The following SLC9A9 variants were observed in gnomAD, a reference collection of about 807,000 sequenced individuals.
SLC9A9 encodes the protein sodium/hydrogen exchanger 9.
Under a neutral mutation model 77.8 loss-of-function variants are expected in SLC9A9, and 62 were observed. That is an observed-to-expected ratio of 0.80 (90% CI 0.65 to 0.98). The LOEUF (loss-of-function observed/expected upper bound fraction) is 0.98. Among genes scored for constraint, SLC9A9 ranks in the 50% least tolerant of loss-of-function variants. The probability of loss-of-function intolerance (pLI) is 0.00; values close to 1 mark genes in which losing one functional copy is unlikely to be tolerated. For synonymous variants in SLC9A9, 320 were observed against 283.5 expected (o/e 1.13, Z -1.29); for missense variants, 775 against 774.9 (o/e 1.00, Z 0.00).
At chr3:143,461,793 T>A (rs1021561967) in intron 12 of SLC9A9, among the ~76,000 whole-genome samples, 2 of 152,152 alleles carry the variant, frequency 1.3e-5, no homozygotes, top group Non-Finnish European at 2.9e-5. Context: ...ACACAATCAA[T>A]ATTAAGATAA....
intron 4 of SLC9A9, among the ~76,000 whole-genome samples, chr3:143,758,102 G>A (rs2006987469): frequency 6.6e-6 from 1 of 152,042 alleles, no homozygotes; most frequent in African/African-American, 2.4e-5. Context: ...TCTAAATAAA[G>A]GTAAAATCCC....
intron 6 of SLC9A9, among the ~76,000 whole-genome samples, chr3:143,617,897 G>A (rs926283456): frequency 6.6e-6 from 1 of 152,212 alleles, no homozygotes; most frequent in African/African-American, 2.4e-5. Context: ...CTGGCCTCTG[G>A]CCTGACAAGA....
intron 8 of SLC9A9, among the ~76,000 whole-genome samples, chr3:143,557,320 C>T (rs769234958): frequency 6.6e-6 from 1 of 152,290 alleles, no homozygotes; most frequent in Non-Finnish European, 1.5e-5. Context: ...ATTACCCAGT[C>T]TCAGGTATTT....
chr3:143,592,210 T>C (rs1192067386), intron 6 of SLC9A9, among the ~76,000 whole-genome samples: 2 of 152,188 alleles, frequency 1.3e-5, no homozygotes, highest in East Asian at 1.9e-4. Context: ...AATTGAATAA[T>C]CAGTGCAAGG....
chr3:143,266,616 C>G lies in SLC9A9; in HGVS notation c.*86G>C. 7.4e-7 allele frequency: 1 copy of G among 1,353,588 alleles called. No individual in the cohort carries two copies. 83.8% of individuals were successfully genotyped at this position (1,353,588 alleles called of 1,614,324 possible). On this transcript the variant is annotated 3_prime_UTR_variant, in exon 16 of 16. Transcript: ENST00000316549. ...ATGCTCTTAATATGTTTTCCAGCCT[C>G]TCCCCTGTACTGCCTCATCAGCTTG...
Position 143,790,356 on chromosome 3 carries a change from A to G in SLC9A9, c.533+4645T>C, listed in dbSNP as rs115290428. Reference sequence around the variant, plus strand: ...TCGTACCATTCCTCCAACCACCTTCAGTAAGAAAAGACAGGTTTGAATTCC... The same window carrying G: ...TCGTACCATTCCTCCAACCACCTTCGGTAAGAAAAGACAGGTTTGAATTCC... On this transcript the variant is annotated intron_variant, in intron 4 of 15. Transcript: ENST00000316549. Among the ~76,000 whole-genome samples, 1,371 of 152,378 alleles carry G rather than the reference A, an allele frequency of 9.0e-3. 23 individuals are homozygous for G. The highest frequency in any genetic ancestry group is 0.031 in the African/African-American group (1,310 of 41,594).
At position 143,331,414 on chromosome 3, in the gene SLC9A9, G is replaced by A. The variant is rs898486393; in HGVS notation, c.1604+32070C>T. Among the ~76,000 whole-genome samples, 9 of 152,312 alleles carry A rather than the reference G, an allele frequency of 5.9e-5. No individual in the cohort carries two copies. In the East Asian group the frequency reaches 1.3e-3, roughly 23 times the overall value. ...TTTTACAATTTTTATAGCTTCCCGAGTTATTTTTGAGTCAGTGCTAGCATT... is the reference window on the plus strand; with the variant it reads ...TTTTACAATTTTTATAGCTTCCCGAATTATTTTTGAGTCAGTGCTAGCATT... On this transcript the variant is annotated intron_variant, in intron 14 of 15. Coordinates refer to ENST00000316549, the MANE Select transcript of SLC9A9 (RefSeq NM_173653.4).
intron 5 of SLC9A9, among the ~76,000 whole-genome samples, chr3:143,654,224 A>G (rs1000304040): frequency 5.3e-5 from 8 of 152,372 alleles, no homozygotes; most frequent in East Asian, 3.9e-4. Context: ...GCATATTTCA[A>G]AAAATTATGC....
intron 15 of SLC9A9, among the ~76,000 whole-genome samples, chr3:143,267,645 G>A (rs767105332): frequency 1.4e-4 from 21 of 152,112 alleles, no homozygotes; most frequent in Admixed American, 3.3e-4. Context: ...CAGCCACCAC[G>A]CCTGGCCTCC....
intron 9 of SLC9A9, among the ~76,000 whole-genome samples, chr3:143,543,419 A>G (rs2036722203): frequency 6.6e-6 from 1 of 150,968 alleles, no homozygotes; most frequent in Non-Finnish European, 1.5e-5. Flanking sequence ...AGATTGAAGG[A>G]CTACACGTGT....
At chr3:143,527,493 C>T (rs1400227749) in intron 9 of SLC9A9, among the ~76,000 whole-genome samples, 1 of 152,138 alleles carries the variant, frequency 6.6e-6, no homozygotes, top group Non-Finnish European at 1.5e-5. Context: ...TGTCTTTGTG[C>T]CACATAGTAT....
intron 4 of SLC9A9, among the ~76,000 whole-genome samples, chr3:143,723,280 C>A (rs981693463): frequency 6.6e-6 from 1 of 152,102 alleles, no homozygotes; most frequent in Non-Finnish European, 1.5e-5. Context: ...AAAACAAAGG[C>A]CCACGTTTCT....
chr3:143,551,990 C>A (rs971052441), intron 9 of SLC9A9, among the ~76,000 whole-genome samples: 1 of 152,042 alleles, frequency 6.6e-6, no homozygotes, highest in Admixed American at 6.6e-5. Flanking sequence ...AAAGACCAAA[C>A]CTCACTTCCT....
chr3:143,566,056 A>G (rs1325341345), intron 8 of SLC9A9, among the ~76,000 whole-genome samples: 2 of 152,150 alleles, frequency 1.3e-5, no homozygotes, highest in Non-Finnish European at 1.5e-5. Flanking sequence ...CAAGTGAGAA[A>G]TGATGAGATG....
intron 5 of SLC9A9, among the ~76,000 whole-genome samples, chr3:143,689,946 T>A (rs987966604): frequency 6.6e-6 from 1 of 152,012 alleles, no homozygotes; most frequent in Non-Finnish European, 1.5e-5. Flanking sequence ...GTGATTTTCT[T>A]TTTAGAATCC....
In SLC9A9 at chr3:143,347,296, G is replaced by A. The variant is rs185589938; in HGVS notation, c.1604+16188C>T. Among the ~76,000 whole-genome samples, 222 of 152,288 alleles carry A rather than the reference G, an allele frequency of 1.5e-3. 1 individual carries two copies. Among genetic ancestry groups the A allele is most frequent in the Middle Eastern group, 6.8e-3 (2 of 294 alleles). On this transcript the variant is annotated intron_variant, in intron 14 of 15. Coordinates refer to ENST00000316549, the MANE Select transcript of SLC9A9 (RefSeq NM_173653.4). The stretch of plus-strand genomic sequence containing the variant: ...TTTAATAAAGAAGGGACCTTATGTA[G>A]AGTTTAATCAGATGGCAGTTGTGGG...
chr3:143,504,302 A>G (rs1288721629), intron 9 of SLC9A9: 9 of 203,272 alleles, frequency 4.4e-5, no homozygotes, highest in East Asian at 1.6e-4. Context: ...CTGGGGTTGC[A>G]CGAGAAGATG....
At chr3:143,512,079 G>A (rs989706282) in intron 9 of SLC9A9, among the ~76,000 whole-genome samples, 2 of 152,130 alleles carry the variant, frequency 1.3e-5, no homozygotes, top group African/African-American at 2.4e-5. Context: ...AACCATATTC[G>A]TTTTGTTTGT....
intron 14 of SLC9A9, among the ~76,000 whole-genome samples, chr3:143,362,926 A>C (rs2032790198): frequency 1.3e-5 from 2 of 152,182 alleles, no homozygotes; most frequent in South Asian, 4.1e-4. Flanking sequence ...AAGCTTATTC[A>C]AGTCTGCCTG....
Sources: gnomAD v4.1 joint callset for allele counts (sites outside exome capture counted in the v4.1 genomes callset) on GRCh38, gnomAD v4.1.1 for gene constraint, MANE v1.5 for transcripts, NCBI Gene and HGNC (gene_info 2026-07-23, HGNC 2026-07-21) for gene names.